GABRB3: variants seen among roughly 807,000 people sequenced by gnomAD.
GABRB3 encodes the protein gamma-aminobutyric acid receptor subunit beta-3.
GABRB3 carries 14 observed loss-of-function variants against 52.1 expected under a neutral mutation model. That is an observed-to-expected ratio of 0.27 (90% CI 0.18 to 0.42). GABRB3 has a LOEUF of 0.42. Among genes scored for constraint, GABRB3 ranks in the 10% least tolerant of loss-of-function variants. The pLI is 1.00. For synonymous variants in GABRB3, 260 were observed against 232.3 expected (o/e 1.12, Z -1.08); for missense variants, 307 against 609.1 (o/e 0.50, Z 5.22).
At chr15:26,657,613 G>C (rs1033244142) in intron 3 of GABRB3, among the ~76,000 whole-genome samples, 2 of 152,178 alleles carry the variant, frequency 1.3e-5, no homozygotes, top group African/African-American at 4.8e-5. Flanking sequence ...ATGTGGCCTT[G>C]TTGAATTCTC....
intron 8 of GABRB3, 144 bp from the exon 9 acceptor site, chr15:26,548,278 T>C: frequency 1.3e-6 from 1 of 741,948 alleles, no homozygotes; most frequent in Non-Finnish European, 2.4e-6. Flanking sequence ...CTCCGTTTTA[T>C]TGGAAAATGT....
At chr15:26,563,615 C>T (rs1382615835) in intron 7 of GABRB3, among the ~76,000 whole-genome samples, 1 of 152,190 alleles carries the variant, frequency 6.6e-6, no homozygotes, top group African/African-American at 2.4e-5. Flanking sequence ...TCTGATGTGC[C>T]AATAAATAGT....
chr15:26,772,639 G>T (rs768949324), intron 2 of GABRB3, 42 bp downstream of exon 2: 2 of 1,505,200 alleles, frequency 1.3e-6, no homozygotes, highest in Non-Finnish European at 1.8e-6. Flanking sequence ...CGCCGCCGCC[G>T]TGGGTCGCGC....
chr15:26,772,116 C>CTGGGAGCCCACGGGCAGCGGCAGA (rs1430202384), intron 3 of GABRB3: 8 of 362,486 alleles, frequency 2.2e-5, no homozygotes, highest in Non-Finnish European at 3.9e-5. Context: ...GCTGGAGGAG[C>CTGGGAGCCCACGGGCAGCGGCAGA]TGGGAGCCCA....
At chr15:26,582,624 C>A (rs1280688636) in intron 5 of GABRB3, among the ~76,000 whole-genome samples, 3 of 152,216 alleles carry the variant, frequency 2.0e-5, no homozygotes, top group African/African-American at 4.8e-5. Flanking sequence ...TATGTTCATT[C>A]ACAAAGACAT....
At chr15:26,715,535 C>T (rs762558050) in intron 3 of GABRB3, among the ~76,000 whole-genome samples, 19 of 152,134 alleles carry the variant, frequency 1.2e-4, no homozygotes, top group Non-Finnish European at 1.6e-4. Context: ...GAGGCAGGAA[C>T]GAGAAGGACA....
chr15:26,605,427 T>G (rs1398638358), intron 4 of GABRB3, among the ~76,000 whole-genome samples: 1 of 152,168 alleles, frequency 6.6e-6, no homozygotes, highest in African/African-American at 2.4e-5. Flanking sequence ...ACCCAACAGG[T>G]GAAAAATCAG....
At chr15:26,757,457 T>C (rs140084763) in intron 3 of GABRB3, among the ~76,000 whole-genome samples, 1 of 152,144 alleles carries the variant, frequency 6.6e-6, no homozygotes, top group African/African-American at 2.4e-5. Context: ...GACTTATGAG[T>C]GTCACAAGTC....
At chr15:26,702,667 A>G (rs1391452077) in intron 3 of GABRB3, among the ~76,000 whole-genome samples, 2 of 152,228 alleles carry the variant, frequency 1.3e-5, no homozygotes, top group Non-Finnish European at 2.9e-5. Context: ...AAAACATTAA[A>G]TGAACACTTA....
At chr15:26,614,402 G>C (rs917695532) in intron 4 of GABRB3, 11 of 152,156 alleles carry the variant, frequency 7.2e-5, no homozygotes, top group African/African-American at 2.7e-4. Flanking sequence ...CACCAGCTTT[G>C]AGAGATGAAG....
intron 3 of GABRB3, among the ~76,000 whole-genome samples, chr15:26,743,088 C>G (rs1024724558): frequency 2.6e-4 from 40 of 151,986 alleles, no homozygotes; most frequent in African/African-American, 9.2e-4. Context: ...CACCAACACG[C>G]CAGGCCAATT....
intron 8 of GABRB3, among the ~76,000 whole-genome samples, chr15:26,559,679 G>A (rs181077257): frequency 2.8e-4 from 42 of 152,288 alleles, no homozygotes; most frequent in Admixed American, 2.3e-3. Flanking sequence ...TTTTATATAA[G>A]CTGAAATGAC....
chr15:26,549,672 C>G (rs561007237), intron 8 of GABRB3, among the ~76,000 whole-genome samples: 19 of 152,184 alleles, frequency 1.2e-4, no homozygotes, highest in African/African-American at 4.6e-4. Context: ...TGAGTGGAAC[C>G]TAAGTGCTCA....
At chr15:26,656,048 C>G (rs1290005368) in intron 3 of GABRB3, among the ~76,000 whole-genome samples, 1 of 152,096 alleles carries the variant, frequency 6.6e-6, no homozygotes, top group Non-Finnish European at 1.5e-5. Flanking sequence ...CTCATCTCTT[C>G]GTTACTTTGG....
At chr15:26,574,781 G>A (rs1479139485) in intron 6 of GABRB3, among the ~76,000 whole-genome samples, 1 of 152,116 alleles carries the variant, frequency 6.6e-6, no homozygotes, top group Non-Finnish European at 1.5e-5. Flanking sequence ...TTCTTTTTGG[G>A]GTGATAAAAA....
chr15:26,578,031 C>A (rs535647564), intron 6 of GABRB3, among the ~76,000 whole-genome samples: 1 of 152,192 alleles, frequency 6.6e-6, no homozygotes, highest in Non-Finnish European at 1.5e-5. Flanking sequence ...AACTGACCCT[C>A]TTGCCTTGAT....
At chr15:26,700,573 G>T (rs556286743) in intron 3 of GABRB3, among the ~76,000 whole-genome samples, 1 of 152,264 alleles carries the variant, frequency 6.6e-6, no homozygotes, top group South Asian at 2.1e-4. Flanking sequence ...GTTTTCAATA[G>T]AATTTTGTAA....
At chr15:26,623,978 A>G (rs2140542987) in intron 3 of GABRB3, among the ~76,000 whole-genome samples, 1 of 152,300 alleles carries the variant, frequency 6.6e-6, no homozygotes, top group African/African-American at 2.4e-5. Context: ...GACCTAAATA[A>G]TAATAAAACC....
chr15:26,579,949 C>A (rs8026202), intron 6 of GABRB3, among the ~76,000 whole-genome samples: 3,810 of 152,286 alleles, frequency 0.025, 156 homozygotes, highest in African/African-American at 0.087. Context: ...GGGAGGAGAA[C>A]AGCACCTACC....
Sources: allele counts gnomAD v4.1 joint callset (sites outside exome capture counted in the v4.1 genomes callset), GRCh38; gene constraint gnomAD v4.1.1; transcripts MANE v1.5; gene names NCBI Gene and HGNC (gene_info 2026-07-23, HGNC 2026-07-21).